Variants in RNF111 observed in about 807,000 individuals in gnomAD.
RNF111 encodes ring finger protein 111.
RNF111 carries 17 observed loss-of-function variants against 95.1 expected under a neutral mutation model. The observed-to-expected ratio is 0.18, with a 90% CI of 0.12 to 0.27. The LOEUF is 0.27. Among genes scored for constraint, RNF111 ranks in the 10% least tolerant of loss-of-function variants. The pLI is 1.00. For synonymous variants in RNF111, 440 were observed against 414.8 expected, an observed-to-expected ratio of 1.06 and a Z score of -0.74; for missense variants, 1,189 against 1,210.4, an observed-to-expected ratio of 0.98 and a Z score of 0.26.
intron 2 of RNF111, among the ~76,000 whole-genome samples, chr15:59,045,480 C>T (rs1198347792): frequency 2.0e-5 from 3 of 152,052 alleles, no homozygotes; most frequent in South Asian, 2.1e-4. Flanking sequence ...TGAGACACTG[C>T]GCCCGGCCTT....
intron 2 of RNF111, among the ~76,000 whole-genome samples, chr15:59,033,942 A>T (rs2041042954): frequency 6.6e-6 from 1 of 152,238 alleles, no homozygotes; most frequent in Non-Finnish European, 1.5e-5. Flanking sequence ...CTGGTTTTAA[A>T]AAAAATAATG....
At position 59,076,231 on chromosome 15, in the gene RNF111, G is replaced by C. The variant is rs745888751; in HGVS notation, c.1948+16G>C. 43 of 1,604,216 alleles carry C rather than the reference G, an allele frequency of 2.7e-5. No homozygotes were observed. The highest frequency in any genetic ancestry group is 3.5e-5 in the Non-Finnish European group (41 of 1,173,600). Reference sequence around the variant, plus strand: ...CCACCCCCTTGTAAGTATATACTTAGTGGACACAAAATCTAGAGTCATGTC... The same window carrying C: ...CCACCCCCTTGTAAGTATATACTTACTGGACACAAAATCTAGAGTCATGTC... On this transcript the variant is annotated intron_variant, in intron 7 of 13. Coordinates refer to ENST00000348370, the MANE Select transcript of RNF111 (RefSeq NM_017610.8).
Position 59,096,265 on chromosome 15 carries a change from A to T in RNF111, c.*1365A>T, listed in dbSNP as rs1596325656. The stretch of plus-strand genomic sequence containing the variant: ...GGATAGCCTAATTTTATTTGTTTAA[A>T]TATGCTTAATATGCCCCAGATTGCA... On this transcript the variant is annotated 3_prime_UTR_variant, in exon 14 of 14. Transcript: ENST00000348370. 1 of 388,284 alleles carries T rather than the reference A, an allele frequency of 2.6e-6. No individual in the cohort carries two copies. Among genetic ancestry groups the T allele is most frequent in the Non-Finnish European group, 4.6e-6 (1 of 219,766 alleles). 24.1% of individuals were successfully genotyped at this position (388,284 alleles called of 1,614,324 possible).
At chr15:59,089,098 T>G (rs1046986077) in intron 10 of RNF111, among the ~76,000 whole-genome samples, 10 of 152,174 alleles carry the variant, frequency 6.6e-5, no homozygotes, top group Admixed American at 2.0e-4. Context: ...TTGCCACCGG[T>G]CATATCCACG....
intron 2 of RNF111, among the ~76,000 whole-genome samples, chr15:59,051,351 G>T (rs1363927246): frequency 2.0e-5 from 3 of 151,954 alleles, no homozygotes; most frequent in Admixed American, 2.0e-4. Flanking sequence ...CTAGCTACTC[G>T]GGAGGCTGAG....
At chr15:59,035,368 T>A (rs1273808581) in intron 2 of RNF111, among the ~76,000 whole-genome samples, 1 of 152,142 alleles carries the variant, frequency 6.6e-6, no homozygotes, top group Non-Finnish European at 1.5e-5. Context: ...CAGTATTTAC[T>A]CAAAAGTCCA....
rs983997208 is a variant in RNF111 at position 59,066,617 on chromosome 15, A to G, written c.1367-147A>G. On this transcript the variant is annotated intron_variant, in intron 5 of 13. Coordinates refer to ENST00000348370, the MANE Select transcript of RNF111 (RefSeq NM_017610.8). ...ACAGCAAGACTCCATCTCAAAAAAA[A>G]AAGAACGTGGCACTATCACATTATT... is the stretch of plus-strand genomic sequence containing the variant. 2.4e-5 allele frequency: 17 copies of G among 719,300 alleles called. No individual in the cohort carries two copies. The East Asian group carries it at 4.6e-4, about 20-fold the overall frequency. 44.6% of individuals were successfully genotyped at this position (719,300 alleles called of 1,614,324 possible). A position where few individuals can be genotyped will look rare whatever the true frequency, so the allele number is the denominator to read the frequency against.
intron 1 of RNF111, among the ~76,000 whole-genome samples, chr15:59,019,109 T>A (rs2040209706): frequency 6.7e-6 from 1 of 149,578 alleles, no homozygotes; most frequent in South Asian, 2.1e-4. Flanking sequence ...TTTTGTATTT[T>A]TTTTTTTTTT....
chr15:59,045,138 G>C (rs540095422), intron 2 of RNF111, among the ~76,000 whole-genome samples: 8 of 150,514 alleles, frequency 5.3e-5, no homozygotes, highest in South Asian at 2.1e-4. Context: ...CATGTAAAAG[G>C]TGTTCGATAA....
chr15:59,015,723 A>G (rs2040033473), intron 1 of RNF111, among the ~76,000 whole-genome samples: 2 of 151,884 alleles, frequency 1.3e-5, no homozygotes, highest in African/African-American at 2.4e-5. Flanking sequence ...TTCTTCGCCC[A>G]CCGTCACCCT....
Position 59,066,748 on chromosome 15 carries a change from T to C in RNF111, c.1367-16T>C, listed in dbSNP as rs201146966. The C allele has an allele frequency of 6.2e-7, 1 of 1,601,536 alleles. No individual in the cohort carries two copies. The highest frequency in any genetic ancestry group is 8.5e-7 in the Non-Finnish European group (1 of 1,170,784). Reference sequence around the variant, plus strand: ...TTCATGATTTGATTATTCTGTGCATTTTTTTCTGTTTCAAGATGACTCAAG... The same window carrying C: ...TTCATGATTTGATTATTCTGTGCATCTTTTTCTGTTTCAAGATGACTCAAG... On this transcript the variant is annotated splice_polypyrimidine_tract_variant and intron_variant, in intron 5 of 13. Transcript: ENST00000348370.
At chr15:59,088,348 G>A (rs1465327671) in intron 10 of RNF111, among the ~76,000 whole-genome samples, 7 of 152,168 alleles carry the variant, frequency 4.6e-5, no homozygotes. Context: ...TGGGATGCAG[G>A]AGTTCCTTTC....
chr15:59,020,970 G>A (rs2040309199), intron 1 of RNF111, among the ~76,000 whole-genome samples: 1 of 152,230 alleles, frequency 6.6e-6, no homozygotes, highest in Non-Finnish European at 1.5e-5. Flanking sequence ...TTGGTTACAT[G>A]AATAAGTTCT....
rs867944239 is a variant in RNF111 at position 59,094,791 on chromosome 15, C to T, written c.2852C>T (p.Pro951Leu). 6.2e-7 allele frequency: 1 copy of T among 1,601,406 alleles called. No homozygotes were observed. Among genetic ancestry groups the T allele is most frequent in the Non-Finnish European group, 8.6e-7 (1 of 1,168,828 alleles). ...TTTCTTGCCAATAATAGACGTCTTC[C>T]ATGTATGCACCTTTTCCACCAAGTG... ...LEEGEDVRRLPCMHLFHQVCV... is the reference protein window; with the variant it reads ...LEEGEDVRRLLCMHLFHQVCV... The change falls in exon 14 of 14, where the codon CCA becomes CTA. Residue 951 changes from proline to leucine, a missense_variant. Physicochemically the swap from Pro to Leu is moderately conservative, Grantham distance 98 (BLOSUM62 -3). This residue lies in a region of RNF111 where 165 missense variants were observed against 284.6 expected (regional missense o/e 0.58). Coordinates refer to ENST00000348370, the MANE Select transcript of RNF111 (RefSeq NM_017610.8).
intron 1 of RNF111, among the ~76,000 whole-genome samples, chr15:59,013,946 G>A (rs370962227): frequency 6.6e-6 from 1 of 151,816 alleles, no homozygotes; most frequent in East Asian, 1.9e-4. Flanking sequence ...ACGCCACCAC[G>A]CCTGGCTAAT....
intron 1 of RNF111, among the ~76,000 whole-genome samples, chr15:58,999,185 A>G (rs945227448): frequency 6.6e-6 from 1 of 152,230 alleles, no homozygotes; most frequent in Non-Finnish European, 1.5e-5. Flanking sequence ...ATCATGATAA[A>G]TGGAATACAG....
At chr15:59,088,664 A>G (rs1252278010) in intron 10 of RNF111, among the ~76,000 whole-genome samples, 2 of 152,198 alleles carry the variant, frequency 1.3e-5, no homozygotes, top group African/African-American at 2.4e-5. Context: ...GTTATGATCT[A>G]TACAGTTGCT....
rs1210258198 is a variant in RNF111 at position 59,002,074 on chromosome 15, C to T, written c.-20+14006C>T. The stretch of plus-strand genomic sequence containing the variant: ...TGGGCACTGTGTAGGCATTCATAAG[C>T]GGTTAAAGCTTGTGAGCTGTTTATT... On this transcript the variant is annotated intron_variant, in intron 1 of 13. Transcript: ENST00000348370. Among the ~76,000 whole-genome samples, 6 of 152,100 alleles carry T rather than the reference C, an allele frequency of 3.9e-5. No individual in the cohort carries two copies. The East Asian group carries it at 5.8e-4, about 15-fold the overall frequency.
Position 59,074,312 on chromosome 15 carries a change from T to C in RNF111, c.1687-1642T>C, listed in dbSNP as rs78850439. ...TTTGAAGCCAGCCATTGACTTCTCT[T>C]TGCTATGAAAGTCCTGGATGACATC... On this transcript the variant is annotated intron_variant, in intron 6 of 13. Transcript: ENST00000348370. Among the ~76,000 whole-genome samples, 1,103 of 152,342 alleles carry C rather than the reference T, an allele frequency of 7.2e-3. 14 individuals are homozygous for C. The highest frequency in any genetic ancestry group is 0.026 in the African/African-American group (1,060 of 41,562).
Sources: allele counts gnomAD v4.1 joint callset (sites outside exome capture counted in the v4.1 genomes callset), GRCh38; gene constraint gnomAD v4.1.1; regional missense constraint gnomAD v4.1.1; transcripts MANE v1.5; gene names NCBI Gene and HGNC (gene_info 2026-07-23, HGNC 2026-07-21).